Variants in INPP4B observed in about 807,000 individuals in gnomAD.
INPP4B encodes inositol polyphosphate-4-phosphatase type II B.
In INPP4B, 55 loss-of-function variants were observed where a neutral mutation model predicts 122.5. The ratio of observed to expected loss-of-function variants is 0.45; its 90% confidence interval spans 0.36 to 0.56. INPP4B has a LOEUF of 0.56. INPP4B is among the 20% of genes least tolerant of loss of function. The pLI is 0.00. For synonymous variants in INPP4B, 403 were observed against 388.7 expected (o/e 1.04, Z -0.43); for missense variants, 1,000 against 1,097.7 (o/e 0.91, Z 1.26).
At chr4:142,496,120 G>T (rs561888770) in intron 2 of INPP4B, among the ~76,000 whole-genome samples, 302 of 152,196 alleles carry the variant, frequency 2.0e-3, no homozygotes, top group African/African-American at 7.0e-3. Context: ...ACTTACTACA[G>T]TCTACTTTGA....
At chr4:142,056,656 A>C (rs1042112557) in intron 25 of INPP4B, among the ~76,000 whole-genome samples, 1 of 152,158 alleles carries the variant, frequency 6.6e-6, no homozygotes, top group African/African-American at 2.4e-5. Context: ...TTGGTTGGTA[A>C]CAAAGTGCCG....
intron 19 of INPP4B, among the ~76,000 whole-genome samples, chr4:142,123,700 C>G (rs1033280211): frequency 6.6e-6 from 1 of 152,038 alleles, no homozygotes; most frequent in Non-Finnish European, 1.5e-5. Flanking sequence ...ACAGTAAATT[C>G]ATAAACACTT....
At chr4:142,233,289 A>G (rs1855255235) in intron 12 of INPP4B, among the ~76,000 whole-genome samples, 1 of 152,122 alleles carries the variant, frequency 6.6e-6, no homozygotes, top group South Asian at 2.1e-4. Context: ...CACAGTTTGT[A>G]TCTGCTACTC....
chr4:142,440,869 T>C (rs941401600), intron 3 of INPP4B, among the ~76,000 whole-genome samples: 1 of 152,204 alleles, frequency 6.6e-6, no homozygotes, highest in African/African-American at 2.4e-5. Context: ...TTGGCCCCTG[T>C]GGCAAGAGCA....
intron 12 of INPP4B, among the ~76,000 whole-genome samples, chr4:142,234,386 T>A (rs143649391): frequency 4.6e-5 from 7 of 152,296 alleles, no homozygotes; most frequent in Admixed American, 3.9e-4. Flanking sequence ...ATTTAGTGCA[T>A]TACACTTTTC....
chr4:142,800,336 A>C (rs1777848371), intron 1 of INPP4B, among the ~76,000 whole-genome samples: 1 of 152,144 alleles, frequency 6.6e-6, no homozygotes, highest in Non-Finnish European at 1.5e-5. Context: ...ATCTACATGG[A>C]AGCAGTAAAG....
At chr4:142,702,985 G>C (rs906026137) in intron 2 of INPP4B, among the ~76,000 whole-genome samples, 3 of 152,170 alleles carry the variant, frequency 2.0e-5, no homozygotes, top group Non-Finnish European at 4.4e-5. Flanking sequence ...TAAGATGTGA[G>C]TTTAAGCTTG....
chr4:142,564,299 A>ATGAG (rs1247956868), intron 2 of INPP4B, among the ~76,000 whole-genome samples: 78 of 152,248 alleles, frequency 5.1e-4, no homozygotes, highest in African/African-American at 1.8e-3. Flanking sequence ...AAATAGATTG[A>ATGAG]TGAGTGGATC....
intron 25 of INPP4B, among the ~76,000 whole-genome samples, chr4:142,039,335 C>G (rs1215126823): frequency 6.6e-6 from 1 of 152,128 alleles, no homozygotes; most frequent in Non-Finnish European, 1.5e-5. Flanking sequence ...AAAAACAAAA[C>G]TACATGAATA....
At chr4:142,671,510 C>A (rs1409147455) in intron 2 of INPP4B, among the ~76,000 whole-genome samples, 1 of 152,118 alleles carries the variant, frequency 6.6e-6, no homozygotes, top group African/African-American at 2.4e-5. Flanking sequence ...GCAACTGGCT[C>A]CTTCAAGGCT....
At chr4:142,383,803 T>C in intron 7 of INPP4B, 1 of 373,768 alleles carries the variant, frequency 2.7e-6, no homozygotes, top group Non-Finnish European at 4.8e-6. Context: ...GGAGAGGAGA[T>C]TGAGAAGGGG....
At chr4:142,219,612 A>C (rs544737286) in intron 12 of INPP4B, among the ~76,000 whole-genome samples, 2 of 152,332 alleles carry the variant, frequency 1.3e-5, no homozygotes, top group South Asian at 4.1e-4. Context: ...GAAGTTATGA[A>C]ACGTACTTAA....
intron 1 of INPP4B, among the ~76,000 whole-genome samples, chr4:142,824,719 T>G (rs1268663739): frequency 1.3e-5 from 2 of 152,042 alleles, no homozygotes; most frequent in Non-Finnish European, 1.5e-5. Context: ...TGAATGCCTC[T>G]CTCTCAAAAA....
chr4:142,643,328 A>G (rs1219884245), intron 2 of INPP4B, among the ~76,000 whole-genome samples: 1 of 152,226 alleles, frequency 6.6e-6, no homozygotes, highest in Admixed American at 6.6e-5. Context: ...ATTTATATAC[A>G]GGGAAGATAA....
intron 23 of INPP4B, among the ~76,000 whole-genome samples, chr4:142,106,280 G>A (rs1203570963): frequency 2.0e-5 from 3 of 152,112 alleles, no homozygotes; most frequent in Admixed American, 2.0e-4. Context: ...ATCACATGTT[G>A]TTGTTGTTGT....
intron 23 of INPP4B, among the ~76,000 whole-genome samples, chr4:142,095,150 C>T (rs1781279640): frequency 6.6e-6 from 1 of 152,126 alleles, no homozygotes; most frequent in Non-Finnish European, 1.5e-5. Context: ...ATTTCTCACC[C>T]TTACTTAGCC....
At chr4:142,600,042 T>C (rs1006719472) in intron 2 of INPP4B, among the ~76,000 whole-genome samples, 23 of 151,982 alleles carry the variant, frequency 1.5e-4, no homozygotes, top group Non-Finnish European at 3.2e-4. Context: ...AGTGACAAAA[T>C]ATATGAATTA....
chr4:142,244,287 C>CTTTTTT lies in INPP4B; in HGVS notation c.689-6282_689-6277dup, dbSNP rs56945961. ...ATGGTATTCCATGGTGTATATGTGCCTTTTTTTTTTTTTTTTTTTTTTTTT... is the reference window on the plus strand; with the variant it reads ...ATGGTATTCCATGGTGTATATGTGCCTTTTTTTTTTTTTTTTTTTTTTTTTTTTTTT... On this transcript the variant is annotated intron_variant, in intron 11 of 25. Coordinates refer to ENST00000262992, the MANE Select transcript of INPP4B (RefSeq NM_001101669.3). Among the ~76,000 whole-genome samples, 25 of 73,764 alleles carry CTTTTTT rather than the reference C, an allele frequency of 3.4e-4. 1 individual carries two copies. Among genetic ancestry groups the CTTTTTT allele is most frequent in the African/African-American group, 1.3e-3 (24 of 18,178 alleles). The allele number at this position is 73,764 out of a possible 152,430, so 48.4% of individuals were successfully genotyped here. A position where few individuals can be genotyped will look rare whatever the true frequency, so the allele number is the denominator to read the frequency against.
intron 15 of INPP4B, among the ~76,000 whole-genome samples, chr4:142,178,717 T>G (rs1055929025): frequency 2.6e-5 from 4 of 151,908 alleles, no homozygotes; most frequent in Non-Finnish European, 5.9e-5. Flanking sequence ...TTGGTGAGTT[T>G]AGGGAAAAAT....
Sources: allele counts gnomAD v4.1 joint callset (sites outside exome capture counted in the v4.1 genomes callset), GRCh38; gene constraint gnomAD v4.1.1; transcripts MANE v1.5; gene names NCBI Gene and HGNC (gene_info 2026-07-23, HGNC 2026-07-21).